Variants in CASK observed in about 807,000 individuals in gnomAD.
CASK encodes peripheral plasma membrane protein CASK.
CASK carries 4 observed loss-of-function variants against 82.9 expected under a neutral mutation model. The observed-to-expected ratio is 0.05, with a 90% CI of 0.02 to 0.11. CASK has a LOEUF of 0.11. Ranked by LOEUF, CASK falls within the 10% of genes least tolerant of loss-of-function variation. The probability of loss-of-function intolerance (pLI) is 1.00; values close to 1 mark genes in which losing one functional copy is unlikely to be tolerated. For synonymous variants in CASK, 259 were observed against 253.5 expected (o/e 1.02, Z -0.20); for missense variants, 358 against 720.9 (o/e 0.50, Z 5.76).
chrX:41,734,145 A>G (rs2147704387), intron 5 of CASK, among the ~76,000 whole-genome samples: 1 of 112,314 alleles, frequency 8.9e-6, no homozygotes, highest in South Asian at 3.7e-4. Context: ...AACTAAAAAC[A>G]GCACCCAGAC....
At chrX:41,818,173 G>A (rs958468625) in intron 2 of CASK, among the ~76,000 whole-genome samples, 1 of 108,662 alleles carries the variant, frequency 9.2e-6, no homozygotes, top group African/African-American at 3.4e-5. Flanking sequence ...GTGTGTGTGT[G>A]TGTGTGTGTG....
At chrX:41,723,215 A>T (rs1407285710) in intron 5 of CASK, among the ~76,000 whole-genome samples, 1 of 112,145 alleles carries the variant, frequency 8.9e-6, no homozygotes, top group African/African-American at 3.2e-5. Context: ...TTAAGTGAAG[A>T]TTTACTGATA....
intron 5 of CASK, chrX:41,689,807 G>A (rs778340512): frequency 5.4e-5 from 6 of 111,556 alleles, no homozygotes; most frequent in Admixed American, 1.9e-4. Flanking sequence ...AACTAAAAAC[G>A]GTGAAAGGTT....
At chrX:41,613,106 C>T (rs1445660610) in intron 11 of CASK, among the ~76,000 whole-genome samples, 3 of 109,913 alleles carry the variant, frequency 2.7e-5, no homozygotes, top group East Asian at 3.0e-4. Context: ...CCCCTCTGCC[C>T]GGCCACCACC....
chrX:41,830,604 AAG>A (rs2070774626), intron 2 of CASK, among the ~76,000 whole-genome samples: 1 of 107,878 alleles, frequency 9.3e-6, no homozygotes, highest in Non-Finnish European at 1.9e-5. Flanking sequence ...GCGGATCATG[AAG>A]TCAGTAGATC....
intron 1 of CASK, among the ~76,000 whole-genome samples, chrX:41,919,503 C>T (rs2072749415): frequency 8.9e-6 from 1 of 112,231 alleles, no homozygotes; most frequent in Admixed American, 9.4e-5. Context: ...CTTAAATTTC[C>T]TTCATGTAGT....
chrX:41,922,946 A>T lies in CASK; in HGVS notation c.43T>A (p.Cys15Ser). 1 of 1,210,881 alleles carries T rather than the reference A, an allele frequency of 8.3e-7. No homozygotes were observed. Among genetic ancestry groups the T allele is most frequent in the Non-Finnish European group, 1.1e-6 (1 of 894,827 alleles). The stretch of plus-strand genomic sequence containing the variant: ...GAGACTCACTTTCCGATCACCTCGC[A>T]CAGCTCGTACACATCCTCGAACAGC... ...DVLFEDVYEL[C>S]EVIGKGPFSV... The change falls in exon 1 of 27, where the codon TGC (cysteine) becomes AGC (serine). Residue 15 changes from cysteine to serine, a missense_variant. Physicochemically the swap from Cys to Ser is moderately radical, Grantham distance 112. This residue lies in a region of CASK where 70 missense variants were observed against 228.4 expected (regional missense o/e 0.31). Coordinates refer to ENST00000378163, the MANE Select transcript of CASK (RefSeq NM_001367721.1).
intron 2 of CASK, among the ~76,000 whole-genome samples, chrX:41,794,950 A>T (rs1049377502): frequency 8.9e-6 from 1 of 112,193 alleles, no homozygotes; most frequent in East Asian, 2.8e-4. Flanking sequence ...TTCTCCCCCA[A>T]ATCTTCTTCC....
In CASK at chrX:41,923,040, G is replaced by A; in HGVS notation, c.-52C>T. On this transcript the variant is annotated 5_prime_UTR_variant, in exon 1 of 27. Transcript: ENST00000378163. ...GTGGAGGGCTTCGAAAACGGGGGTG[G>A]GGGCGCCCAAGAGCTCAGTGCCCAG... 8.9e-7 allele frequency: 1 copy of A among 1,122,349 alleles called. No homozygotes were observed. Among genetic ancestry groups the A allele is most frequent in the East Asian group, 3.0e-5 (1 of 33,323 alleles). The allele number at this position is 1,122,349 out of a possible 1,213,427, so 92.5% of individuals were successfully genotyped here. A position where few individuals can be genotyped will look rare whatever the true frequency, so the allele number is the denominator to read the frequency against.
intron 16 of CASK, among the ~76,000 whole-genome samples, chrX:41,566,188 C>T (rs1321111992): frequency 6.3e-5 from 7 of 111,748 alleles, no homozygotes; most frequent in Non-Finnish European, 3.8e-5. Flanking sequence ...ACAAGGATGC[C>T]GTCTCTCACC....
At chrX:41,820,660 T>C (rs1215968576) in intron 2 of CASK, among the ~76,000 whole-genome samples, 1 of 111,034 alleles carries the variant, frequency 9.0e-6, no homozygotes, top group East Asian at 2.8e-4. Context: ...TTACTCTAAA[T>C]TGTTTATGAA....
rs1345971851 is a variant in CASK at position 41,825,932 on chromosome X, T to A, written c.172+27183A>T. Among the ~76,000 whole-genome samples the A allele has an allele frequency of 5.3e-5, 6 of 112,241 alleles. No homozygotes were observed. The East Asian group carries it at 1.7e-3, about 31-fold the overall frequency. The stretch of plus-strand genomic sequence containing the variant: ...AAACAGTGCCAGACTGGATTTCAAA[T>A]AGTCTGTAATTGTGCAACATGGTAT... On this transcript the variant is annotated intron_variant, in intron 2 of 26. Coordinates refer to ENST00000378163, the MANE Select transcript of CASK (RefSeq NM_001367721.1).
chrX:41,599,539 T>C (rs764412951), intron 12 of CASK, among the ~76,000 whole-genome samples: 98 of 112,134 alleles, frequency 8.7e-4, no homozygotes, highest in Non-Finnish European at 1.7e-3. Context: ...TTTGTCTGTA[T>C]ACAGGGCTGC....
chrX:41,709,324 G>T (rs2067934619), intron 5 of CASK, among the ~76,000 whole-genome samples: 1 of 111,765 alleles, frequency 8.9e-6, no homozygotes, highest in Admixed American at 9.5e-5. Flanking sequence ...TGAAAACAGG[G>T]TACCTTTACA....
chrX:41,652,656 T>C (rs765045223), intron 8 of CASK, among the ~76,000 whole-genome samples: 1 of 111,214 alleles, frequency 9.0e-6, no homozygotes, highest in South Asian at 3.8e-4. Context: ...TAATGAAGCC[T>C]CCATAGAAAC....
chrX:41,640,869 G>A (rs2066636862), intron 8 of CASK, among the ~76,000 whole-genome samples: 1 of 109,796 alleles, frequency 9.1e-6, no homozygotes, highest in Non-Finnish European at 1.9e-5. Flanking sequence ...TGAGGACAGA[G>A]TCAAAATGTA....
chrX:41,794,299 A>G (rs1428250402), intron 2 of CASK, among the ~76,000 whole-genome samples: 1 of 112,481 alleles, frequency 8.9e-6, no homozygotes, highest in Non-Finnish European at 1.9e-5. Context: ...ATTAATTAGA[A>G]ATCAATCTTA....
intron 21 of CASK, among the ~76,000 whole-genome samples, chrX:41,544,019 T>C (rs187784450): frequency 2.7e-4 from 30 of 112,394 alleles, no homozygotes; most frequent in African/African-American, 9.7e-4. Context: ...TCCTCTTTCG[T>C]TAAGTGTCTG....
chrX:41,720,758 T>C (rs1157806507), intron 5 of CASK, among the ~76,000 whole-genome samples: 1 of 111,376 alleles, frequency 9.0e-6, no homozygotes, highest in East Asian at 2.8e-4. Flanking sequence ...CAACAATCCA[T>C]GTGAGTCAGG....
Sources: gnomAD v4.1 joint callset for allele counts (sites outside exome capture counted in the v4.1 genomes callset) on GRCh38, gnomAD v4.1.1 for gene constraint, gnomAD v4.1.1 regional missense constraint, MANE v1.5 for transcripts, NCBI Gene and HGNC (gene_info 2026-07-23, HGNC 2026-07-21) for gene names.